Variants in PSD3 observed in about 807,000 individuals in gnomAD.
The protein encoded by PSD3 is pleckstrin and Sec7 domain containing 3, also known as PH and SEC7 domain-containing protein 3.
A neutral mutation model predicts 105.5 loss-of-function variants in PSD3; 49 were observed. That is an observed-to-expected ratio of 0.46 (90% CI 0.37 to 0.59). PSD3 has a LOEUF of 0.59. Among genes scored for constraint, PSD3 ranks in the 20% least tolerant of loss-of-function variants. The pLI is 0.00. For missense variants in PSD3, 1,561 were observed against 1,263.8 expected, an observed-to-expected ratio of 1.24 and a Z score of -3.57; for synonymous variants, 557 against 457.8, an observed-to-expected ratio of 1.22 and a Z score of -2.77.
At chr8:19,069,990 G>A (rs1829199092) in intron 1 of PSD3, among the ~76,000 whole-genome samples, 1 of 150,284 alleles carries the variant, frequency 6.7e-6, no homozygotes, top group Middle Eastern at 3.4e-3. Flanking sequence ...CTGTCACCAG[G>A]CTGGCGTGCA....
intron 1 of PSD3, among the ~76,000 whole-genome samples, chr8:19,072,166 A>G (rs959611740): frequency 1.3e-5 from 2 of 148,258 alleles, no homozygotes; most frequent in African/African-American, 5.0e-5. Context: ...CAGTGGCACG[A>G]TCTCTGCTCA....
intron 9 of PSD3, among the ~76,000 whole-genome samples, chr8:18,707,656 G>T (rs1199451367): frequency 6.6e-6 from 1 of 152,176 alleles, no homozygotes; most frequent in Non-Finnish European, 1.5e-5. Context: ...GTCAGAAGTG[G>T]TACGGCTGGG....
chr8:18,775,300 G>A (rs551338596), intron 8 of PSD3, among the ~76,000 whole-genome samples: 2 of 152,178 alleles, frequency 1.3e-5, no homozygotes, highest in East Asian at 1.9e-4. Context: ...CTTGGCTAAC[G>A]TGAATAGTAC....
chr8:18,910,188 G>GT (rs1329132158), intron 2 of PSD3, among the ~76,000 whole-genome samples: 1 of 151,150 alleles, frequency 6.6e-6, no homozygotes, highest in African/African-American at 2.4e-5. Context: ...ACATGCACAC[G>GT]TATGTTTATT....
chr8:18,722,093 C>T (rs967658921), intron 9 of PSD3, among the ~76,000 whole-genome samples: 4 of 151,748 alleles, frequency 2.6e-5, no homozygotes, highest in African/African-American at 9.7e-5. Flanking sequence ...TGAATTTCAA[C>T]TCCCCTTTCT....
chr8:18,604,930 G>T (rs535299762), intron 11 of PSD3, among the ~76,000 whole-genome samples: 3 of 152,342 alleles, frequency 2.0e-5, no homozygotes, highest in African/African-American at 7.2e-5. Flanking sequence ...TCTCCACCTA[G>T]ATTTCACAGG....
chr8:18,714,170 G>A (rs1039748400), intron 9 of PSD3, among the ~76,000 whole-genome samples: 1 of 151,720 alleles, frequency 6.6e-6, no homozygotes, highest in Non-Finnish European at 1.5e-5. Flanking sequence ...CCCAAAACTG[G>A]AAAAACTAGA....
intron 1 of PSD3, among the ~76,000 whole-genome samples, chr8:18,996,295 A>T (rs955472505): frequency 1.4e-4 from 21 of 152,100 alleles, no homozygotes; most frequent in Middle Eastern, 3.4e-3. Flanking sequence ...TAAAGAAGTC[A>T]TCAGTTACTG....
intron 9 of PSD3, among the ~76,000 whole-genome samples, chr8:18,707,134 CGTT>C (rs1801952089): frequency 1.3e-5 from 2 of 152,156 alleles, no homozygotes; most frequent in Non-Finnish European, 2.9e-5. Context: ...CTCACTCTCT[CGTT>C]GTGCTGATTT....
intron 8 of PSD3, among the ~76,000 whole-genome samples, chr8:18,790,496 G>A (rs1809609461): frequency 1.3e-5 from 2 of 151,698 alleles, no homozygotes; most frequent in South Asian, 4.1e-4. Context: ...TAGAGATGGG[G>A]TTTCACCATG....
intron 1 of PSD3, among the ~76,000 whole-genome samples, chr8:18,939,454 T>G (rs904640588): frequency 1.3e-5 from 2 of 152,144 alleles, no homozygotes; most frequent in African/African-American, 4.8e-5. Context: ...TCGTCCCTAG[T>G]TTGAAATGAT....
chr8:18,671,819 G>T (rs1407078198), intron 9 of PSD3, among the ~76,000 whole-genome samples: 2 of 152,198 alleles, frequency 1.3e-5, no homozygotes, highest in East Asian at 3.9e-4. Context: ...TTTTAGTAGA[G>T]ATGGGGTTTC....
At chr8:18,542,068 G>A (rs1043391004) in intron 15 of PSD3, among the ~76,000 whole-genome samples, 5 of 152,144 alleles carry the variant, frequency 3.3e-5, no homozygotes, top group Admixed American at 1.3e-4. Flanking sequence ...AATCTCTTAC[G>A]TAGTAGTACA....
intron 4 of PSD3, among the ~76,000 whole-genome samples, chr8:18,832,136 T>C (rs933410439): frequency 6.6e-6 from 1 of 152,210 alleles, no homozygotes; most frequent in Non-Finnish European, 1.5e-5. Flanking sequence ...ATATGGTCTT[T>C]ATTATAGGTG....
At chr8:19,030,579 T>C (rs1383147943) in intron 1 of PSD3, among the ~76,000 whole-genome samples, 2 of 152,106 alleles carry the variant, frequency 1.3e-5, no homozygotes, top group African/African-American at 2.4e-5. Flanking sequence ...ATGTGACTTG[T>C]CCTCTCCCCC....
intron 1 of PSD3, among the ~76,000 whole-genome samples, chr8:19,026,084 G>T (rs1032057395): frequency 6.6e-6 from 1 of 152,146 alleles, no homozygotes; most frequent in African/African-American, 2.4e-5. Context: ...ATCAGATATT[G>T]TGAGGCTTAT....
At chr8:19,032,583 A>C (rs1168544712) in intron 1 of PSD3, among the ~76,000 whole-genome samples, 1 of 151,272 alleles carries the variant, frequency 6.6e-6, no homozygotes, top group Non-Finnish European at 1.5e-5. Context: ...TCGGGAGGCC[A>C]AGGCTGCAAT....
rs556284054 is a variant in PSD3, at chr8:18,764,189, T to A, written c.2172+1260A>T. On this transcript the variant is annotated intron_variant, in intron 9 of 15. Transcript: ENST00000327040. ...GTCAACTTTCATTTCTGACATAAGT[T>A]GATAAAAGCCTCACAAATCCTCTCT... Among the ~76,000 whole-genome samples the A allele has an allele frequency of 1.3e-4, 20 of 152,320 alleles. No individual in the cohort carries two copies. The South Asian group carries it at 4.1e-3, about 32-fold the overall frequency.
chr8:18,815,850 TC>T (rs1812175792), intron 4 of PSD3, among the ~76,000 whole-genome samples: 2 of 152,128 alleles, frequency 1.3e-5, no homozygotes, highest in Admixed American at 1.3e-4. Flanking sequence ...ACACTGAGTT[TC>T]CCCTAAGTGC....
Sources: gnomAD v4.1 joint callset for allele counts (sites outside exome capture counted in the v4.1 genomes callset) on GRCh38, gnomAD v4.1.1 for gene constraint, MANE v1.5 for transcripts, NCBI Gene and HGNC (gene_info 2026-07-23, HGNC 2026-07-21) for gene names.